The following ATM variants were observed in gnomAD, a reference collection of about 807,000 sequenced individuals.
The protein encoded by ATM is ATM serine/threonine kinase.
ATM carries 308 observed loss-of-function variants against 387.0 expected under a neutral mutation model. The ratio of observed to expected loss-of-function variants is 0.80; its 90% CI spans 0.73 to 0.87. ATM has a LOEUF of 0.87. Ranked by LOEUF, ATM falls within the 40% of genes least tolerant of loss-of-function variation. The pLI, the probability that ATM is intolerant of heterozygous loss-of-function variation, is 0.00. For synonymous variants in ATM, 1,156 were observed against 1,187.3 expected (o/e 0.97, Z 0.54); for missense variants, 3,312 against 3,560.9 (o/e 0.93, Z 1.78).
rs2235006 is a variant in ATM at position 108,251,973 on chromosome 11, T to C, written c.1744T>C (p.Phe582Leu). The part of the protein sequence containing the change: ...LKESIMKWLL[F>L]YQLEGDLENS... ...GGAATCAATAATGAAATGGCTCTTA[T>C]TCTATCAGTTAGAGGGTGACTTAGA... The change falls in exon 11 of 63, where the codon TTC becomes CTC. Residue 582 changes from phenylalanine (F) to leucine (L), a missense_variant. Phe to Leu is a conservative substitution (Grantham distance 22). Around this residue, in one of 4 missense-constraint regions of ATM, gnomAD observed 1,791 missense variants for 1,804.5 expected, o/e 0.99. Transcript: ENST00000675843. 8.0e-4 allele frequency: 1,299 copies of C among 1,613,800 alleles called. 11 individuals are homozygous for C. The Middle Eastern group carries it at 0.022, about 28-fold the overall frequency.
At chr11:108,272,495 A>G (rs2081635538) in intron 20 of ATM, 37 bp from the exon 21 acceptor site, 1 of 1,518,602 alleles carries the variant, frequency 6.6e-7, no homozygotes, top group Non-Finnish European at 9.1e-7. Flanking sequence ...TTTTATCAGA[A>G]TGATTATTTA....
rs534494756 is a variant in ATM, at chr11:108,342,135, G to GTGTTAA, written c.8269-1084_8269-1083insTAATGT. Among the ~76,000 whole-genome samples, 139 of 152,150 alleles carry GTGTTAA rather than the reference G, an allele frequency of 9.1e-4. 1 individual carries two copies. Among genetic ancestry groups the GTGTTAA allele is most frequent in the African/African-American group, 2.1e-3 (87 of 41,488 alleles). Reference sequence around the variant, plus strand: ...AGCTCATCAGCAATCATTAGTGTTAGTGTATTTTATGTGTGGCCCAAGGCA... The same window carrying GTGTTAA: ...AGCTCATCAGCAATCATTAGTGTTAGTGTTAATGTATTTTATGTGTGGCCCAAGGCA... On this transcript the variant is annotated intron_variant, in intron 56 of 62. Transcript: ENST00000675843.
At chr11:108,287,416 G>T in intron 26 of ATM, 184 bp from the exon 27 acceptor site, 1 of 459,716 alleles carries the variant, frequency 2.2e-6, no homozygotes, top group African/African-American at 2.0e-5. Context: ...TTAGTCTACA[G>T]GTTGGCTGCA....
intron 32 of ATM, 31 bp downstream of exon 32, chr11:108,295,090 T>TA: frequency 6.2e-7 from 1 of 1,612,844 alleles, no homozygotes; most frequent in Non-Finnish European, 8.5e-7. Context: ...GGGCTATTTC[T>TA]ACCTGTTTCT....
In ATM at chr11:108,330,334, T is replaced by C; in HGVS notation, c.7428T>C (p.Ser2476=). Residue 2476 remains serine (S), a synonymous_variant, in exon 50 of 63, where the codon AGT becomes AGC. Transcript: ENST00000675843. The stretch of plus-strand genomic sequence containing the variant: ...AAAATTATATCAACTGCTTATTAAG[T>C]GGAGAAGAACATGATATGTGGGTAT... The part of the protein sequence containing the change: ...AVENYINCLL[S]GEEHDMWVFR... The C allele has an allele frequency of 1.2e-6, 2 of 1,614,218 alleles. No individual in the cohort carries two copies. The highest frequency in any genetic ancestry group is 2.2e-5 in the East Asian group (1 of 44,880).
At chr11:108,263,634 G>C (rs2081043531) in intron 16 of ATM, among the ~76,000 whole-genome samples, 1 of 150,364 alleles carries the variant, frequency 6.7e-6, no homozygotes, top group Non-Finnish European at 1.5e-5. Context: ...ATAACTAAGA[G>C]CAGAACTGAA....
chr11:108,283,370 G>T (rs624366), intron 25 of ATM, among the ~76,000 whole-genome samples: 1 of 151,922 alleles, frequency 6.6e-6, no homozygotes, highest in South Asian at 2.1e-4. Flanking sequence ...TAACTCTGTA[G>T]AAGAAAAATT....
chr11:108,306,371 ATC>A (rs897205863), intron 37 of ATM, among the ~76,000 whole-genome samples: 42 of 152,166 alleles, frequency 2.8e-4, no homozygotes, highest in African/African-American at 1.0e-3. Context: ...TCTAAAATGT[ATC>A]TCTTATCTTT....
rs1227504829 is a variant in ATM at position 108,368,645 on chromosome 11, T to C, written c.*3137T>C. 4.6e-6 allele frequency: 1 copy of C among 217,408 alleles called. No individual in the cohort carries two copies. Among genetic ancestry groups the C allele is most frequent in the Non-Finnish European group, 9.2e-6 (1 of 108,158 alleles). The allele number at this position is 217,408 out of a possible 1,614,324, so 13.5% of individuals were successfully genotyped here. A position where few individuals can be genotyped will look rare whatever the true frequency, so the allele number is the denominator to read the frequency against. On this transcript the variant is annotated 3_prime_UTR_variant, in exon 63 of 63. Transcript: ENST00000675843. ...GCCAGTCAGTTGCTCAAAAGGTCAA[T>C]GAAAACCAAATAGTGAAGCTATCAG...
intron 16 of ATM, among the ~76,000 whole-genome samples, chr11:108,262,641 T>C (rs1290033644): frequency 6.6e-6 from 1 of 152,036 alleles, no homozygotes; most frequent in East Asian, 1.9e-4. Context: ...CAATGTTAAC[T>C]TTAAATGTAA....
chr11:108,279,722 A>T (rs565624572), intron 23 of ATM, 114 bp downstream of exon 23: 23 of 842,888 alleles, frequency 2.7e-5, no homozygotes, highest in Non-Finnish European at 4.0e-5. Context: ...TTACAGTATA[A>T]AGCTGCTCTA....
At chr11:108,299,464 A>C (rs541403302) in intron 33 of ATM, 2 of 377,052 alleles carry the variant, frequency 5.3e-6, no homozygotes, top group African/African-American at 4.2e-5. Context: ...CGCCTGGCTA[A>C]TTTTGTATTT....
At chr11:108,275,461 G>A (rs1565432989) in intron 22 of ATM, among the ~76,000 whole-genome samples, 1 of 152,168 alleles carries the variant, frequency 6.6e-6, no homozygotes, top group East Asian at 1.9e-4. Flanking sequence ...TAGTGTCAAT[G>A]GTCTTTACAA....
chr11:108,354,721 A>G, intron 60 of ATM, 90 bp from the exon 61 acceptor site: 1 of 1,129,026 alleles, frequency 8.9e-7, no homozygotes, highest in Non-Finnish European at 1.4e-6. Flanking sequence ...GCATAGGCTC[A>G]GCATACTACA....
chr11:108,262,305 C>T (rs558572216), intron 16 of ATM, among the ~76,000 whole-genome samples: 42 of 152,296 alleles, frequency 2.8e-4, no homozygotes, highest in African/African-American at 1.0e-3. Context: ...CTCTACAAGC[C>T]AGAAGAGAGT....
rs2135547957 is a variant in ATM, at chr11:108,271,097, G to C, written c.2872G>C (p.Glu958Gln). The C allele has an allele frequency of 6.2e-7, 1 of 1,614,076 alleles. No individual in the cohort carries two copies. The highest frequency in any genetic ancestry group is 8.5e-7 in the Non-Finnish European group (1 of 1,180,018). ...LMLLKELPGE[E>Q]YPLPMEDVLE... ...GCTTTTAAAGGAGCTTCCTGGAGAA[G>C]AGTACCCCTTGCCAATGGAAGATGT... is the stretch of plus-strand genomic sequence containing the variant. Residue 958 changes from glutamate to glutamine, a missense_variant, in exon 19 of 63, where the codon GAG becomes CAG. By Grantham distance (29) the Glu-to-Gln change is conservative. This residue lies in a region of ATM where 1,791 missense variants were observed against 1,804.5 expected (regional missense o/e 0.99). Coordinates refer to ENST00000675843, the MANE Select transcript of ATM (RefSeq NM_000051.4).
chr11:108,269,901 A>G (rs1242627557), intron 18 of ATM, among the ~76,000 whole-genome samples: 2 of 152,238 alleles, frequency 1.3e-5, no homozygotes, highest in Admixed American at 6.5e-5. Flanking sequence ...TCAAGTCTCT[A>G]TCCCTGACCA....
rs569961502 is a variant in ATM at position 108,256,393 on chromosome 11, C to A, written c.2250+53C>A. 1.4e-5 allele frequency: 22 copies of A among 1,553,752 alleles called. No homozygotes were observed. In the African/African-American group the frequency reaches 2.7e-4, roughly 19 times the overall value. On this transcript the variant is annotated intron_variant, in intron 14 of 62. Transcript: ENST00000675843. ...CGGATAAATTTGAATGAAATGTATT[C>A]CTGTGAAAATTATTACATTTGTTTG... is the stretch of plus-strand genomic sequence containing the variant.
intron 10 of ATM, 112 bp downstream of exon 10, chr11:108,251,184 A>T: frequency 6.7e-7 from 1 of 1,486,222 alleles, no homozygotes. Flanking sequence ...AAGATGTCAA[A>T]TTCTATTTCA....
Sources: allele counts gnomAD v4.1 joint callset (sites outside exome capture counted in the v4.1 genomes callset), GRCh38; gene constraint gnomAD v4.1.1; regional missense constraint gnomAD v4.1.1; transcripts MANE v1.5; gene names NCBI Gene and HGNC (gene_info 2026-07-23, HGNC 2026-07-21).